The following ADARB2 variants were observed in gnomAD, a reference collection of about 807,000 sequenced individuals.
ADARB2 encodes the protein adenosine deaminase RNA specific B2 (inactive).
ADARB2 carries 25 observed loss-of-function variants against 62.2 expected under a neutral mutation model. That is an observed-to-expected ratio of 0.40 (90% confidence interval 0.29 to 0.56). The LOEUF is 0.56. Ranked by LOEUF, ADARB2 falls within the 20% of genes least tolerant of loss-of-function variation. The pLI is 0.43. For missense variants in ADARB2, 1,071 were observed against 1,077.4 expected, an observed-to-expected ratio of 0.99 and a Z score of 0.08; for synonymous variants, 572 against 500.8, an observed-to-expected ratio of 1.14 and a Z score of -1.90.
intron 1 of ADARB2, among the ~76,000 whole-genome samples, chr10:1,436,703 G>A (rs1324958029): frequency 6.6e-6 from 1 of 152,146 alleles, no homozygotes; most frequent in Non-Finnish European, 1.5e-5. Flanking sequence ...GCCATTTCAA[G>A]TTTTACATTT....
intron 1 of ADARB2, among the ~76,000 whole-genome samples, chr10:1,663,062 T>C (rs1054649098): frequency 1.1e-4 from 16 of 152,242 alleles, no homozygotes; most frequent in Non-Finnish European, 1.8e-4. Flanking sequence ...AATTGAATTA[T>C]TTGGTAAACT....
At chr10:1,224,880 A>T (rs1246208856) in intron 6 of ADARB2, among the ~76,000 whole-genome samples, 3 of 152,174 alleles carry the variant, frequency 2.0e-5, no homozygotes, top group Non-Finnish European at 2.9e-5. Context: ...TGCTGAAAAA[A>T]ATGTATATTC....
At chr10:1,475,824 C>T (rs1397715150) in intron 1 of ADARB2, among the ~76,000 whole-genome samples, 1 of 152,116 alleles carries the variant, frequency 6.6e-6, no homozygotes, top group East Asian at 1.9e-4. Flanking sequence ...TCTCAGGATG[C>T]AAAGGCCACC....
At chr10:1,722,593 A>G (rs1835106331) in intron 1 of ADARB2, among the ~76,000 whole-genome samples, 1 of 152,204 alleles carries the variant, frequency 6.6e-6, no homozygotes, top group Admixed American at 6.5e-5. Flanking sequence ...TCGAATGAAT[A>G]ATGTGCTGTA....
At position 1,629,159 on chromosome 10, in the gene ADARB2, T is replaced by C. The variant is rs529342345; in HGVS notation, c.100+107892A>G. Among the ~76,000 whole-genome samples the C allele has an allele frequency of 4.6e-5, 7 of 152,310 alleles. No individual in the cohort carries two copies. The East Asian group carries it at 1.4e-3, about 29-fold the overall frequency. On this transcript the variant is annotated intron_variant, in intron 1 of 9. Transcript: ENST00000381312. Reference sequence around the variant, plus strand: ...CTTGGAAGTTTAGGTTATTATTTTTTAATTTTGAGAGGTTTGTGGTTACTT... The same window carrying C: ...CTTGGAAGTTTAGGTTATTATTTTTCAATTTTGAGAGGTTTGTGGTTACTT...
intron 1 of ADARB2, among the ~76,000 whole-genome samples, chr10:1,627,456 T>C (rs767876440): frequency 4.6e-5 from 7 of 152,194 alleles, no homozygotes; most frequent in East Asian, 1.9e-4. Context: ...CACAGTTCAA[T>C]GTCTATCAGG....
chr10:1,719,922 A>G (rs555122877), intron 1 of ADARB2, among the ~76,000 whole-genome samples: 37 of 152,322 alleles, frequency 2.4e-4, no homozygotes, highest in Admixed American at 4.6e-4. Flanking sequence ...GAAAAAAGAG[A>G]ATGCTTATAC....
intron 1 of ADARB2, among the ~76,000 whole-genome samples, chr10:1,642,148 G>A (rs990525338): frequency 5.9e-5 from 9 of 152,108 alleles, no homozygotes; most frequent in Non-Finnish European, 8.8e-5. Flanking sequence ...GACTTCTTTT[G>A]AAAATTTGAC....
chr10:1,640,699 C>A (rs1297730889), intron 1 of ADARB2, among the ~76,000 whole-genome samples: 1 of 152,266 alleles, frequency 6.6e-6, no homozygotes, highest in East Asian at 1.9e-4. Flanking sequence ...AATGTCTATA[C>A]ACTATAAATA....
At chr10:1,633,787 C>G (rs1833879626) in intron 1 of ADARB2, among the ~76,000 whole-genome samples, 1 of 152,160 alleles carries the variant, frequency 6.6e-6, no homozygotes, top group Non-Finnish European at 1.5e-5. Context: ...ACAGGCTGTC[C>G]TGGGCTCTCC....
chr10:1,241,230 G>T (rs1301750449), intron 5 of ADARB2, among the ~76,000 whole-genome samples: 1 of 152,144 alleles, frequency 6.6e-6, no homozygotes, highest in African/African-American at 2.4e-5. Flanking sequence ...TTGCACTCCA[G>T]CCTGGGCGAC....
chr10:1,454,168 C>G (rs1459775541), intron 1 of ADARB2, among the ~76,000 whole-genome samples: 2 of 152,094 alleles, frequency 1.3e-5, no homozygotes, highest in Non-Finnish European at 2.9e-5. Flanking sequence ...TGCAGGGGAA[C>G]TGCCCTTTAT....
At chr10:1,692,660 A>G (rs2119127849) in intron 1 of ADARB2, among the ~76,000 whole-genome samples, 1 of 152,246 alleles carries the variant, frequency 6.6e-6, no homozygotes, top group Admixed American at 6.5e-5. Flanking sequence ...ACTGCTAACA[A>G]GGCCTGTCTA....
At chr10:1,689,339 G>A (rs959002709) in intron 1 of ADARB2, among the ~76,000 whole-genome samples, 1 of 152,180 alleles carries the variant, frequency 6.6e-6, no homozygotes, top group Non-Finnish European at 1.5e-5. Context: ...TACGTGCCCT[G>A]GACCATGAAG....
intron 3 of ADARB2, among the ~76,000 whole-genome samples, chr10:1,283,147 C>G (rs899682961): frequency 6.6e-6 from 1 of 152,210 alleles, no homozygotes. Flanking sequence ...ACAGCACTTT[C>G]AAGCTGTGTC....
chr10:1,423,119 G>A (rs745593392), intron 1 of ADARB2, among the ~76,000 whole-genome samples: 47 of 152,130 alleles, frequency 3.1e-4, no homozygotes, highest in Non-Finnish European at 5.3e-4. Context: ...CCGAGTCCCC[G>A]AGTCTCCACA....
chr10:1,217,173 G>T, intron 6 of ADARB2, 54 bp from the exon 7 acceptor site: 4 of 1,475,174 alleles, frequency 2.7e-6, no homozygotes, highest in Non-Finnish European at 1.8e-6. Context: ...CCTTGGTTTT[G>T]GGAGGTGGGA....
intron 1 of ADARB2, among the ~76,000 whole-genome samples, chr10:1,531,763 G>A (rs749175912): frequency 6.6e-6 from 1 of 152,124 alleles, no homozygotes. Context: ...CTTGAACCCC[G>A]GAGGCGGAGG....
intron 1 of ADARB2, among the ~76,000 whole-genome samples, chr10:1,613,123 A>C (rs981893495): frequency 2.6e-5 from 4 of 152,332 alleles, no homozygotes; most frequent in South Asian, 2.1e-4. Flanking sequence ...ACAGAGATAA[A>C]AGTAAACTTT....
Sources: allele counts gnomAD v4.1 joint callset (sites outside exome capture counted in the v4.1 genomes callset), GRCh38; gene constraint gnomAD v4.1.1; transcripts MANE v1.5; gene names NCBI Gene and HGNC (gene_info 2026-07-23, HGNC 2026-07-21).